The following COA8 variants were observed in gnomAD, a reference collection of about 807,000 sequenced individuals.
COA8 encodes cytochrome c oxidase assembly factor 8, also known as UPF0671 protein C14orf153.
COA8 carries 20 observed loss-of-function variants against 22.0 expected under a neutral mutation model. The ratio of observed to expected loss-of-function variants is 0.91; its 90% CI spans 0.64 to 1.32. COA8 has a LOEUF of 1.32. COA8 is among the 40% of genes most tolerant of loss of function. The pLI is 0.00. For synonymous variants in COA8, 105 were observed against 79.9 expected (o/e 1.31, Z -1.68); for missense variants, 266 against 230.0 (o/e 1.16, Z -1.01).
chr14:103,584,788 G>A (rs1305532929), intron 3 of COA8, among the ~76,000 whole-genome samples: 1 of 152,064 alleles, frequency 6.6e-6, no homozygotes, highest in Admixed American at 6.6e-5. Context: ...TGTGCTTATT[G>A]GTTGTTCGTG....
At chr14:103,583,681 A>C (rs1055767677) in intron 3 of COA8, among the ~76,000 whole-genome samples, 3 of 151,826 alleles carry the variant, frequency 2.0e-5, no homozygotes, top group African/African-American at 7.3e-5. Flanking sequence ...GACACTGTCT[A>C]CTTGGAGTTC....
chr14:103,563,102 G>GC lies in COA8; in HGVS notation c.102dup (p.Arg35GlnfsTer20). 6.5e-7 allele frequency: 1 copy of GC among 1,539,452 alleles called. No homozygotes were observed. The highest frequency in any genetic ancestry group is 8.7e-7 in the Non-Finnish European group (1 of 1,147,706). On this transcript the variant is annotated frameshift_variant, in exon 1 of 5. Transcript: ENST00000409074. LOFTEE classifies it high-confidence loss of function. ...CTCGCTCCGGAGCGCGGCGCCGAGC[G>GC]CAGGGATACGGCGCCCAGCGGGGTA...
chr14:103,582,498 G>T (rs1400011752), intron 3 of COA8, among the ~76,000 whole-genome samples: 1 of 152,198 alleles, frequency 6.6e-6, no homozygotes, highest in African/African-American at 2.4e-5. Context: ...AGTCAGGCCG[G>T]GACCTGTCCC....
At chr14:103,566,659 A>T (rs1231343473) in intron 1 of COA8, among the ~76,000 whole-genome samples, 1 of 152,224 alleles carries the variant, frequency 6.6e-6, no homozygotes, top group Non-Finnish European at 1.5e-5. Context: ...GGAGCTCTGC[A>T]TGCTAACACA....
chr14:103,584,388 C>A (rs1362330296), intron 3 of COA8, among the ~76,000 whole-genome samples: 1 of 152,140 alleles, frequency 6.6e-6, no homozygotes, highest in Non-Finnish European at 1.5e-5. Flanking sequence ...CTTGGTCTTT[C>A]CGGCCCCCAT....
chr14:103,590,273 A>C lies in COA8; in HGVS notation c.569A>C (p.Lys190Thr), dbSNP rs2076341149. 6.2e-7 allele frequency: 1 copy of C among 1,614,032 alleles called. No individual in the cohort carries two copies. Among genetic ancestry groups the C allele is most frequent in the Non-Finnish European group, 8.5e-7 (1 of 1,179,908 alleles). Residue 190 changes from lysine to threonine, a missense_variant, in exon 5 of 5, where the codon AAG becomes ACG. Coordinates refer to ENST00000409074, the MANE Select transcript of COA8 (RefSeq NM_001370595.2). ...AACAAGCTTAAACAGAAACAAAAGA[A>C]GAGGAGCAACTAGGAGTCCACTCTG... ...IWNKLKQKQK[K>T]RSN
intron 3 of COA8, among the ~76,000 whole-genome samples, chr14:103,583,133 T>C (rs1435832130): frequency 2.0e-5 from 3 of 152,236 alleles, no homozygotes; most frequent in African/African-American, 7.2e-5. Flanking sequence ...ATACCATGTT[T>C]TGTTTATCCA....
At chr14:103,587,485 T>A in intron 4 of COA8, 121 bp downstream of exon 4, 2 of 523,606 alleles carry the variant, frequency 3.8e-6, no homozygotes, top group African/African-American at 2.0e-5. Flanking sequence ...CAAGACTTTA[T>A]CAACTTTTTT....
At chr14:103,563,289 A>C (rs1464416268) in intron 1 of COA8, 165 bp downstream of exon 1, 3 of 939,230 alleles carry the variant, frequency 3.2e-6, no homozygotes, top group Non-Finnish European at 3.3e-6. Context: ...TCCCGCATCA[A>C]CGCCCTCAGT....
intron 3 of COA8, among the ~76,000 whole-genome samples, chr14:103,582,290 C>T (rs12100454): frequency 0.025 from 3,813 of 152,286 alleles, 157 homozygotes; most frequent in African/African-American, 0.087. Flanking sequence ...TGAGACTGTC[C>T]CCTGGGCTGC....
At chr14:103,582,069 G>A (rs905325320) in intron 3 of COA8, among the ~76,000 whole-genome samples, 6 of 152,210 alleles carry the variant, frequency 3.9e-5, no homozygotes, top group Non-Finnish European at 8.8e-5. Flanking sequence ...GGAGGCTAGC[G>A]AGCACCCTGG....
intron 3 of COA8, 146 bp downstream of exon 3, chr14:103,574,316 C>CA: frequency 9.2e-7 from 1 of 1,082,720 alleles, no homozygotes; most frequent in Non-Finnish European, 1.4e-6. Flanking sequence ...CACCCCTGTC[C>CA]AAGTTCTCTT....
At chr14:103,565,754 T>C (rs2076131252) in intron 1 of COA8, among the ~76,000 whole-genome samples, 2 of 152,164 alleles carry the variant, frequency 1.3e-5, no homozygotes, top group East Asian at 3.9e-4. Flanking sequence ...TAGCTGGGAT[T>C]ACAGGTGCCT....
chr14:103,585,577 C>CTTT (rs143878801), intron 3 of COA8, among the ~76,000 whole-genome samples: 27,112 of 128,240 alleles, frequency 0.21, 3,519 homozygotes, highest in East Asian at 0.3. Context: ...GGTTTTTTCT[C>CTTT]TTTTTTTTTT....
At chr14:103,584,924 A>T (rs2076294463) in intron 3 of COA8, among the ~76,000 whole-genome samples, 1 of 147,918 alleles carries the variant, frequency 6.8e-6, no homozygotes, top group Non-Finnish European at 1.5e-5. Context: ...CGGATCATGA[A>T]GTCAGGAGTT....
At chr14:103,572,988 G>C (rs759945226) in intron 2 of COA8, among the ~76,000 whole-genome samples, 1 of 151,550 alleles carries the variant, frequency 6.6e-6, no homozygotes, top group Non-Finnish European at 1.5e-5. Flanking sequence ...TCACTCTGTT[G>C]GCCAGGATGG....
At chr14:103,582,737 C>CCTTTTT (rs773173792) in intron 3 of COA8, among the ~76,000 whole-genome samples, 6 of 120,938 alleles carry the variant, frequency 5.0e-5, no homozygotes, top group Non-Finnish European at 8.2e-5. Context: ...TTCACCCTGC[C>CCTTTTT]TTTTTTTTTT....
intron 4 of COA8, among the ~76,000 whole-genome samples, chr14:103,587,814 T>C (rs2076320677): frequency 6.6e-6 from 1 of 151,572 alleles, no homozygotes; most frequent in African/African-American, 2.4e-5. Context: ...GTCTATCAAC[T>C]TTATTTTTTA....
At chr14:103,587,674 A>AT (rs2076319520) in intron 4 of COA8, among the ~76,000 whole-genome samples, 1 of 151,354 alleles carries the variant, frequency 6.6e-6, no homozygotes, top group South Asian at 2.1e-4. Context: ...CGCCTGGCTA[A>AT]TTTTTTGTAT....
Sources: gnomAD v4.1 joint callset for allele counts (sites outside exome capture counted in the v4.1 genomes callset) on GRCh38, gnomAD v4.1.1 for gene constraint, MANE v1.5 for transcripts, NCBI Gene and HGNC (gene_info 2026-07-23, HGNC 2026-07-21) for gene names.